BCAS3: variants seen among roughly 807,000 people sequenced by gnomAD.
BCAS3 encodes BCAS4/BCAS3 fusion.
In BCAS3, 53 loss-of-function variants were observed where a neutral mutation model predicts 116.1. That is an observed-to-expected ratio of 0.46 (90% CI 0.37 to 0.57). The LOEUF (loss-of-function observed/expected upper bound fraction) is 0.57. Among genes scored for constraint, BCAS3 ranks in the 20% least tolerant of loss-of-function variants. BCAS3 has a pLI of 0.00. For missense variants in BCAS3, 917 were observed against 1,165.4 expected (o/e 0.79, Z 3.10); for synonymous variants, 391 against 408.2 (o/e 0.96, Z 0.51).
intron 4 of BCAS3, among the ~76,000 whole-genome samples, chr17:60,704,729 T>G (rs2036885108): frequency 6.6e-6 from 1 of 151,584 alleles, no homozygotes; most frequent in South Asian, 2.1e-4. Context: ...TCCCAGCTAC[T>G]CAGGAGGCTG....
At chr17:60,821,650 G>A (rs774372405) in intron 7 of BCAS3, 1 of 151,788 alleles carries the variant, frequency 6.6e-6, no homozygotes, top group Non-Finnish European at 1.5e-5. Flanking sequence ...GTTACTCAGC[G>A]TATTTATTTT....
At position 60,978,610 on chromosome 17, in the gene BCAS3, T is replaced by C. The variant is rs376223237; in HGVS notation, c.1222-11361T>C. ...TGTCCTGAATGGTAAAGCCTAGGTT[T>C]TCTTCTAGGGTTTTTATGGTTTTAG... is the stretch of plus-strand genomic sequence containing the variant. On this transcript the variant is annotated intron_variant, in intron 14 of 23. Coordinates refer to ENST00000407086, the MANE Select transcript of BCAS3 (RefSeq NM_017679.5). 1.9e-4 allele frequency among the ~76,000 whole-genome samples: 29 copies of C among 152,264 alleles called. No homozygotes were observed. The East Asian group carries it at 5.2e-3, about 27-fold the overall frequency.
chr17:61,133,993 G>A (rs1269939971), intron 22 of BCAS3, among the ~76,000 whole-genome samples: 1 of 152,038 alleles, frequency 6.6e-6, no homozygotes, highest in East Asian at 1.9e-4. Context: ...GAGCAATGGA[G>A]CAGAGTTGGA....
intron 15 of BCAS3, among the ~76,000 whole-genome samples, chr17:60,999,201 T>C (rs1452815428): frequency 6.6e-6 from 1 of 152,218 alleles, no homozygotes; most frequent in Non-Finnish European, 1.5e-5. Context: ...TTTGCACCAA[T>C]ACTATCCTGT....
chr17:61,046,540 C>T lies in BCAS3; in HGVS notation c.2029+5648C>T, dbSNP rs545485910. ...TATGCTTCAAGTCATCTTTAGATTA[C>T]TTATAATACCTAATACAATGTAAGT... is the stretch of plus-strand genomic sequence containing the variant. On this transcript the variant is annotated intron_variant, in intron 19 of 23. Coordinates refer to ENST00000407086, the MANE Select transcript of BCAS3 (RefSeq NM_017679.5). Among the ~76,000 whole-genome samples the T allele has an allele frequency of 3.3e-5, 5 of 151,692 alleles. 1 individual carries two copies. The highest frequency in any genetic ancestry group is 7.4e-5 in the Non-Finnish European group (5 of 67,892).
At chr17:61,297,173 A>G (rs995370105) in intron 22 of BCAS3, among the ~76,000 whole-genome samples, 3 of 152,208 alleles carry the variant, frequency 2.0e-5, no homozygotes, top group Non-Finnish European at 4.4e-5. Flanking sequence ...GGGCTCCATG[A>G]CAGTCAATGC....
At chr17:60,800,251 T>G (rs1450012974) in intron 6 of BCAS3, among the ~76,000 whole-genome samples, 1 of 152,232 alleles carries the variant, frequency 6.6e-6, no homozygotes, top group Admixed American at 6.5e-5. Context: ...GACATCTAGT[T>G]TCTGCTCATC....
intron 6 of BCAS3, among the ~76,000 whole-genome samples, chr17:60,767,330 C>T (rs1429624618): frequency 6.8e-6 from 1 of 146,964 alleles, no homozygotes; most frequent in Admixed American, 6.7e-5. Flanking sequence ...CATCTTGGAA[C>T]TCAGAAGTCC....
Position 61,204,486 on chromosome 17 carries a change from T to C in BCAS3, c.2425+119922T>C, listed in dbSNP as rs2081016733. On this transcript the variant is annotated intron_variant, in intron 22 of 23. Transcript: ENST00000407086. This position sits in a 1 kb window ranked among gnomAD's most constrained non-coding sequence, Gnocchi z 4.2. Reference sequence around the variant, plus strand: ...GTGAAAAATTGAATTTGGGAAACATTGAGTGGAATATTTTTTAAGCTGAAA... The same window carrying C: ...GTGAAAAATTGAATTTGGGAAACATCGAGTGGAATATTTTTTAAGCTGAAA... Among the ~76,000 whole-genome samples the C allele has an allele frequency of 6.6e-6, 1 of 152,188 alleles. No individual in the cohort carries two copies. The highest frequency in any genetic ancestry group is 2.1e-4 in the South Asian group (1 of 4,832).
chr17:61,078,928 A>G (rs1369228412), intron 21 of BCAS3, among the ~76,000 whole-genome samples: 3 of 152,132 alleles, frequency 2.0e-5, no homozygotes, highest in Non-Finnish European at 4.4e-5. Context: ...CCCTTCTTTT[A>G]GATTATATAA....
rs2059467383 is a variant in BCAS3, at chr17:61,378,940, C to G, written c.2593+10446C>G. 6.6e-6 allele frequency: 1 copy of G among 152,236 alleles called. No individual in the cohort carries two copies. The highest frequency in any genetic ancestry group is 6.5e-5 in the Admixed American group (1 of 15,284). 9.4% of individuals were successfully genotyped at this position (152,236 alleles called of 1,614,324 possible). On this transcript the variant is annotated intron_variant, in intron 23 of 23. Transcript: ENST00000407086. The surrounding 1 kb of genome is among the most constrained non-coding windows in gnomAD (Gnocchi z 5.8). ...AGTTGTCTAAAGTGACTTTTCAACT[C>G]TTTCACCAAGGCACAGTGATTCCTA... is the stretch of plus-strand genomic sequence containing the variant.
In BCAS3 at chr17:61,353,527, GC is replaced by G. The variant is rs2057980052; in HGVS notation, c.2426-14797del. 2.0e-5 allele frequency: 3 copies of G among 152,404 alleles called. No homozygotes were observed. In the South Asian group the frequency reaches 6.2e-4, roughly 32 times the overall value. 9.4% of individuals were successfully genotyped at this position (152,404 alleles called of 1,614,324 possible). Reference sequence around the variant, plus strand: ...GTTCTGCCCCGCACTTCACTTCCCTGCCCTGATTTCCTCAACCGTGAAACGG... The same window carrying G: ...GTTCTGCCCCGCACTTCACTTCCCTGCCTGATTTCCTCAACCGTGAAACGG... On this transcript the variant is annotated intron_variant, in intron 22 of 23. Coordinates refer to ENST00000407086, the MANE Select transcript of BCAS3 (RefSeq NM_017679.5).
At chr17:60,827,521 A>T (rs2050536588) in intron 7 of BCAS3, among the ~76,000 whole-genome samples, 1 of 152,166 alleles carries the variant, frequency 6.6e-6, no homozygotes, top group Non-Finnish European at 1.5e-5. Flanking sequence ...TATTCCCAGT[A>T]GAAGCTCATA....
At chr17:61,177,124 GT>G (rs2144149644) in intron 22 of BCAS3, among the ~76,000 whole-genome samples, 1 of 152,296 alleles carries the variant, frequency 6.6e-6, no homozygotes, top group Admixed American at 6.5e-5. Context: ...TTGTACAAAT[GT>G]TTTGGAAAAC....
At chr17:60,833,042 A>T (rs4073784) in intron 7 of BCAS3, among the ~76,000 whole-genome samples, 33,318 of 152,122 alleles carry the variant, frequency 0.22, 4,716 homozygotes, top group African/African-American at 0.41. Flanking sequence ...ATCTATTTTT[A>T]AAAAATAGAG....
chr17:61,050,442 G>C (rs540140749), intron 19 of BCAS3, among the ~76,000 whole-genome samples: 2 of 152,000 alleles, frequency 1.3e-5, no homozygotes, highest in Admixed American at 1.3e-4. Flanking sequence ...GTAGCATAAA[G>C]GCCAGGGGGG....
chr17:61,264,857 C>G (rs1014804435), intron 22 of BCAS3, among the ~76,000 whole-genome samples: 3 of 152,154 alleles, frequency 2.0e-5, no homozygotes, highest in African/African-American at 7.2e-5. Context: ...TCATACCTTT[C>G]AAACATTTTC....
At chr17:60,789,240 A>T (rs1385224812) in intron 6 of BCAS3, among the ~76,000 whole-genome samples, 1 of 152,154 alleles carries the variant, frequency 6.6e-6, no homozygotes, top group Non-Finnish European at 1.5e-5. Flanking sequence ...CTCTGGGTCT[A>T]TTTTTGGACC....
intron 13 of BCAS3, among the ~76,000 whole-genome samples, chr17:60,924,895 T>G (rs2059291035): frequency 6.6e-6 from 1 of 151,902 alleles, no homozygotes; most frequent in Non-Finnish European, 1.5e-5. Context: ...AATTTAATTT[T>G]CTCGGTTTTT....
Sources: allele counts gnomAD v4.1 joint callset (sites outside exome capture counted in the v4.1 genomes callset), GRCh38; gene constraint gnomAD v4.1.1; non-coding constraint Gnocchi (gnomAD v3.1); transcripts MANE v1.5; gene names NCBI Gene and HGNC (gene_info 2026-07-23, HGNC 2026-07-21).